MYO1E: variants seen among roughly 807,000 people sequenced by gnomAD.
MYO1E encodes the protein myosin IE.
Under a neutral mutation model 151.1 loss-of-function variants are expected in MYO1E, and 68 were observed. The observed-to-expected ratio is 0.45, with a 90% CI of 0.37 to 0.55. MYO1E has a LOEUF of 0.55. Among genes scored for constraint, MYO1E ranks in the 20% least tolerant of loss-of-function variants. The pLI is 0.00. For synonymous variants in MYO1E, 601 were observed against 501.7 expected, an observed-to-expected ratio of 1.20 and a Z score of -2.64; for missense variants, 1,363 against 1,389.3, an observed-to-expected ratio of 0.98 and a Z score of 0.30.
chr15:59,297,644 C>G (rs774109384), intron 1 of MYO1E, among the ~76,000 whole-genome samples: 7 of 151,684 alleles, frequency 4.6e-5, no homozygotes, highest in African/African-American at 1.7e-4. Flanking sequence ...TACAGTGGTG[C>G]GATGAGGGCT....
At chr15:59,284,593 G>A (rs1184151525) in intron 1 of MYO1E, among the ~76,000 whole-genome samples, 2 of 151,070 alleles carry the variant, frequency 1.3e-5, no homozygotes, top group Admixed American at 6.6e-5. Context: ...AGGGCTACAG[G>A]TGTGCACCAC....
chr15:59,268,720 A>ATTTTTGTTTTTTTTTTT (rs2080271424), intron 2 of MYO1E, among the ~76,000 whole-genome samples: 2 of 44,914 alleles, frequency 4.5e-5, no homozygotes, highest in African/African-American at 5.8e-5. Context: ...TGACTTTGGT[A>ATTTTTGTTTTTTTTTTT]TTTTTTTTTT....
chr15:59,227,923 TCAGAGGAAGAGCA>T (rs1375106251), intron 6 of MYO1E, among the ~76,000 whole-genome samples: 4 of 152,178 alleles, frequency 2.6e-5, no homozygotes, highest in African/African-American at 7.2e-5. Context: ...TGGCACCCTT[TCAGAGGAAGAGCA>T]CTCTTGCTCT....
intron 2 of MYO1E, chr15:59,266,687 G>A (rs1472366923): frequency 7.0e-6 from 1 of 143,182 alleles, no homozygotes; most frequent in Admixed American, 7.1e-5. Context: ...TTTTGAGACG[G>A]AGTCTCAGTC....
At position 59,241,360 on chromosome 15, in the gene MYO1E, C is replaced by CA. The variant is rs1281329947; in HGVS notation, c.333-4689dup. 5.9e-5 allele frequency among the ~76,000 whole-genome samples: 9 copies of CA among 152,200 alleles called. No homozygotes were observed. In the East Asian group the frequency reaches 1.7e-3, roughly 29 times the overall value. ...AGAACAAAAACAAAACCCCAAAACA[C>CA]AAAAGAAACAACAACTATAATAATA... is the stretch of plus-strand genomic sequence containing the variant. On this transcript the variant is annotated intron_variant, in intron 4 of 27. Coordinates refer to ENST00000288235, the MANE Select transcript of MYO1E (RefSeq NM_004998.4).
intron 27 of MYO1E, 152 bp downstream of exon 27, chr15:59,138,046 G>A (rs1205754000): frequency 1.1e-5 from 10 of 905,104 alleles, no homozygotes; most frequent in Non-Finnish European, 1.8e-5. Context: ...AAAAGCTGGT[G>A]TCTTGATCAG....
chr15:59,304,942 T>C (rs2080505866), intron 1 of MYO1E, among the ~76,000 whole-genome samples: 1 of 152,238 alleles, frequency 6.6e-6, no homozygotes, highest in Non-Finnish European at 1.5e-5. Context: ...TTGTCTCTAT[T>C]TACCATGGTT....
At chr15:59,208,102 C>G (rs376825813) in intron 14 of MYO1E, 74 of 1,544,822 alleles carry the variant, frequency 4.8e-5, no homozygotes, top group Non-Finnish European at 6.1e-5. Context: ...CCTAAAACTA[C>G]CATTCCGAAA....
At chr15:59,207,565 G>T (rs754711270) in intron 14 of MYO1E, 19 of 1,613,958 alleles carry the variant, frequency 1.2e-5, no homozygotes, top group Non-Finnish European at 1.4e-5. Context: ...CCGTATTATT[G>T]GAAGCGGCTG....
At position 59,357,666 on chromosome 15, in the gene MYO1E, T is replaced by G. The variant is rs548360198; in HGVS notation, c.3+14832A>C. On this transcript the variant is annotated intron_variant, in intron 1 of 27. Coordinates refer to ENST00000288235, the MANE Select transcript of MYO1E (RefSeq NM_004998.4). ...GGTTTCACCATGTTGGCCAGGATGGTCTGAAACTCCTGACCTCAGGTGATC... is the reference window on the plus strand; with the variant it reads ...GGTTTCACCATGTTGGCCAGGATGGGCTGAAACTCCTGACCTCAGGTGATC... Among the ~76,000 whole-genome samples, 4 of 152,074 alleles carry G rather than the reference T, an allele frequency of 2.6e-5. No individual in the cohort carries two copies. In the East Asian group the frequency reaches 7.8e-4, roughly 30 times the overall value.
intron 1 of MYO1E, among the ~76,000 whole-genome samples, chr15:59,306,198 C>T (rs190377923): frequency 1.1e-4 from 17 of 152,284 alleles, no homozygotes; most frequent in South Asian, 4.1e-4. Flanking sequence ...GTGCTCACTT[C>T]TCAGAATCCA....
intron 1 of MYO1E, among the ~76,000 whole-genome samples, chr15:59,368,731 G>A (rs1457328685): frequency 7.2e-5 from 11 of 151,878 alleles, no homozygotes; most frequent in African/African-American, 2.2e-4. Context: ...GGGCGACAGT[G>A]AGAGACTCCA....
rs186073082 is a variant in MYO1E at position 59,231,853 on chromosome 15, A to G, written c.421-62T>C. The G allele has an allele frequency of 2.5e-6, 4 of 1,572,600 alleles. No individual in the cohort carries two copies. The Admixed American group carries it at 6.7e-5, about 26-fold the overall frequency. On this transcript the variant is annotated intron_variant, in intron 5 of 27. Coordinates refer to ENST00000288235, the MANE Select transcript of MYO1E (RefSeq NM_004998.4). Reference sequence around the variant, plus strand: ...GAACACCTACCACACAGTGTACGCCAAACTTTCTCTAAGGACCTGGTTTCT... The same window carrying G: ...GAACACCTACCACACAGTGTACGCCGAACTTTCTCTAAGGACCTGGTTTCT...
chr15:59,168,696 T>C (rs901998304), intron 22 of MYO1E, among the ~76,000 whole-genome samples: 1 of 151,836 alleles, frequency 6.6e-6, no homozygotes, highest in Non-Finnish European at 1.5e-5. Context: ...TCATGACTCA[T>C]TGCAGCCTTG....
chr15:59,184,611 T>C (rs773167051), intron 18 of MYO1E, among the ~76,000 whole-genome samples: 7 of 152,148 alleles, frequency 4.6e-5, no homozygotes, highest in Non-Finnish European at 1.0e-4. Flanking sequence ...TCTGCCTACC[T>C]TGACCTCCCA....
chr15:59,200,850 GA>G (rs555117146), intron 16 of MYO1E, among the ~76,000 whole-genome samples: 19 of 152,172 alleles, frequency 1.2e-4, no homozygotes, highest in African/African-American at 4.1e-4. Context: ...ATTTTACAGG[GA>G]AGCGGTGAGG....
At chr15:59,214,351 C>G in intron 11 of MYO1E, 37 bp from the exon 12 acceptor site, 1 of 1,453,848 alleles carries the variant, frequency 6.9e-7, no homozygotes, top group Non-Finnish European at 9.6e-7. Flanking sequence ...AATTCTTTCA[C>G]AAAATCATTT....
At chr15:59,243,675 T>C (rs1479546129) in intron 4 of MYO1E, among the ~76,000 whole-genome samples, 3 of 152,140 alleles carry the variant, frequency 2.0e-5, no homozygotes, top group Non-Finnish European at 4.4e-5. Flanking sequence ...CAGTTCATAG[T>C]ATCAGCAAAC....
At chr15:59,314,273 T>G (rs1406211369) in intron 1 of MYO1E, among the ~76,000 whole-genome samples, 1 of 152,260 alleles carries the variant, frequency 6.6e-6, no homozygotes, top group African/African-American at 2.4e-5. Context: ...CCTTAACTAT[T>G]TCACACAATG....
Sources: gnomAD v4.1 joint callset for allele counts (sites outside exome capture counted in the v4.1 genomes callset) on GRCh38, gnomAD v4.1.1 for gene constraint, MANE v1.5 for transcripts, NCBI Gene and HGNC (gene_info 2026-07-23, HGNC 2026-07-21) for gene names.